CDIN1: variants seen among roughly 807,000 people sequenced by gnomAD.
CDIN1 encodes CDAN1 interacting nuclease 1.
CDIN1 carries 33 observed loss-of-function variants against 45.3 expected under a neutral mutation model. The observed-to-expected ratio is 0.73, with a 90% confidence interval of 0.55 to 0.97. The LOEUF (loss-of-function observed/expected upper bound fraction) is 0.97. Among genes scored for constraint, CDIN1 ranks in the 50% least tolerant of loss-of-function variants. The probability of loss-of-function intolerance (pLI) is 0.00; values close to 1 mark genes in which losing one functional copy is unlikely to be tolerated. For missense variants in CDIN1, 303 were observed against 339.4 expected, an observed-to-expected ratio of 0.89 and a Z score of 0.84; for synonymous variants, 118 against 124.4, an observed-to-expected ratio of 0.95 and a Z score of 0.34.
chr15:36,598,129 T>C (rs542873822), intron 1 of CDIN1, among the ~76,000 whole-genome samples: 9 of 152,262 alleles, frequency 5.9e-5, no homozygotes, highest in African/African-American at 1.9e-4. Flanking sequence ...TAGTTGGGAC[T>C]ACAGGCGTGT....
intron 10 of CDIN1, among the ~76,000 whole-genome samples, chr15:36,740,470 T>A (rs897474183): frequency 7.9e-5 from 12 of 152,142 alleles, no homozygotes; most frequent in African/African-American, 2.7e-4. Flanking sequence ...GAAACTGTGG[T>A]GATACCGAGA....
At chr15:36,774,156 G>A (rs1182334623) in intron 10 of CDIN1, among the ~76,000 whole-genome samples, 1 of 104,346 alleles carries the variant, frequency 9.6e-6, no homozygotes, top group East Asian at 3.3e-4. Flanking sequence ...GTGTGTGTGT[G>A]TGTGTGTGCG....
chr15:36,617,828 A>G (rs2140298349), intron 1 of CDIN1: 2 of 788,908 alleles, frequency 2.5e-6, no homozygotes, highest in African/African-American at 1.7e-5. Context: ...AGACACAGAT[A>G]CACAAAAGGC....
At chr15:36,694,800 TCA>T (rs1251783542) in intron 7 of CDIN1, among the ~76,000 whole-genome samples, 1 of 152,206 alleles carries the variant, frequency 6.6e-6, no homozygotes, top group Non-Finnish European at 1.5e-5. Context: ...TTCTGTACCA[TCA>T]GAGACCTCAG....
intron 10 of CDIN1, among the ~76,000 whole-genome samples, chr15:36,745,392 TA>T (rs2044384299): frequency 6.6e-6 from 1 of 152,194 alleles, no homozygotes; most frequent in Admixed American, 6.5e-5. Context: ...AACTTTGGTA[TA>T]TATTACATTC....
At chr15:36,806,473 AGTTT>A (rs2055230019) in intron 10 of CDIN1, among the ~76,000 whole-genome samples, 1 of 152,096 alleles carries the variant, frequency 6.6e-6, no homozygotes, top group African/African-American at 2.4e-5. Flanking sequence ...GTTAGATCAC[AGTTT>A]TTTTCTTCCT....
intron 10 of CDIN1, among the ~76,000 whole-genome samples, chr15:36,806,578 G>C (rs895221728): frequency 1.3e-5 from 2 of 152,126 alleles, no homozygotes; most frequent in Non-Finnish European, 2.9e-5. Flanking sequence ...CTTAATGTTA[G>C]ATCTGTCAAG....
chr15:36,603,104 C>T (rs938659554), intron 1 of CDIN1, among the ~76,000 whole-genome samples: 3 of 152,158 alleles, frequency 2.0e-5, no homozygotes, highest in African/African-American at 7.2e-5. Context: ...AAATTAGCTC[C>T]TTCTTTTAGC....
chr15:36,596,808 C>A (rs771507488), intron 1 of CDIN1, among the ~76,000 whole-genome samples: 4 of 151,296 alleles, frequency 2.6e-5, no homozygotes, highest in African/African-American at 9.7e-5. Flanking sequence ...ACAACAACAA[C>A]AAAAAAAACC....
chr15:36,799,660 G>A (rs1438698457), intron 10 of CDIN1: 3 of 152,146 alleles, frequency 2.0e-5, no homozygotes, highest in Admixed American at 1.3e-4. Flanking sequence ...AAGTGATATA[G>A]TTTACTCTGA....
intron 1 of CDIN1, among the ~76,000 whole-genome samples, chr15:36,603,534 G>C (rs760059545): frequency 6.6e-6 from 1 of 152,100 alleles, no homozygotes. Flanking sequence ...TGATGGAGGG[G>C]GTTGGAGATA....
At chr15:36,702,968 A>T (rs2042696593) in intron 8 of CDIN1, among the ~76,000 whole-genome samples, 1 of 148,586 alleles carries the variant, frequency 6.7e-6, no homozygotes, top group Non-Finnish European at 1.5e-5. Flanking sequence ...TGGGAGGCTG[A>T]GGTGGGAGGA....
intron 10 of CDIN1, among the ~76,000 whole-genome samples, chr15:36,737,571 C>T (rs2140929537): frequency 6.6e-6 from 1 of 152,258 alleles, no homozygotes; most frequent in Non-Finnish European, 1.5e-5. Flanking sequence ...CATATCCTGT[C>T]TCACTAATAG....
intron 5 of CDIN1, among the ~76,000 whole-genome samples, chr15:36,688,439 A>G (rs913774621): frequency 1.3e-5 from 2 of 152,198 alleles, no homozygotes; most frequent in Non-Finnish European, 2.9e-5. Flanking sequence ...GCATTGCTTT[A>G]ACAGGTACCA....
chr15:36,717,290 G>A (rs1480205005), intron 10 of CDIN1, among the ~76,000 whole-genome samples: 2 of 152,054 alleles, frequency 1.3e-5, no homozygotes, highest in Admixed American at 1.3e-4. Flanking sequence ...CCACCCCTAG[G>A]TTTCCTGATG....
chr15:36,758,283 C>T (rs1044490707), intron 10 of CDIN1, among the ~76,000 whole-genome samples: 1 of 152,158 alleles, frequency 6.6e-6, no homozygotes, highest in African/African-American at 2.4e-5. Context: ...TAAGTAGCTT[C>T]TGGCCTTGAT....
rs942615234 is a variant in CDIN1, at chr15:36,737,244, C to T, written c.716+27283C>T. Among the ~76,000 whole-genome samples, 8 of 151,942 alleles carry T rather than the reference C, an allele frequency of 5.3e-5. No individual in the cohort carries two copies. In the East Asian group the frequency reaches 1.2e-3, roughly 22 times the overall value. On this transcript the variant is annotated intron_variant, in intron 10 of 10. Coordinates refer to ENST00000566621, the MANE Select transcript of CDIN1 (RefSeq NM_001321759.2). ...CTCCTGCAGGTTCCAATACCTGGGT[C>T]GTTCCTATTTTTGCCTTTTATATCT...
Position 36,696,933 on chromosome 15 carries a change from G to A in CDIN1, c.477-390G>A, listed in dbSNP as rs990937343. On this transcript the variant is annotated intron_variant, in intron 7 of 10. Coordinates refer to ENST00000566621, the MANE Select transcript of CDIN1 (RefSeq NM_001321759.2). Reference sequence around the variant, plus strand: ...TTGAGACCAGCCTGAGCAACATAGTGCGATTCCATTTCTAAAAAAAAAAAA... The same window carrying A: ...TTGAGACCAGCCTGAGCAACATAGTACGATTCCATTTCTAAAAAAAAAAAA... 4.9e-5 allele frequency among the ~76,000 whole-genome samples: 7 copies of A among 141,994 alleles called. No homozygotes were observed. In the South Asian group the frequency reaches 1.5e-3, roughly 31 times the overall value. The allele number at this position is 141,994 out of a possible 152,430, so 93.2% of individuals were successfully genotyped here.
intron 10 of CDIN1, among the ~76,000 whole-genome samples, chr15:36,806,794 A>G (rs1010561240): frequency 5.3e-5 from 8 of 152,206 alleles, no homozygotes; most frequent in African/African-American, 1.7e-4. Context: ...AAAGTTACTA[A>G]GAAACCCTCG....
Sources: allele counts gnomAD v4.1 joint callset (sites outside exome capture counted in the v4.1 genomes callset), GRCh38; gene constraint gnomAD v4.1.1; transcripts MANE v1.5; gene names NCBI Gene and HGNC (gene_info 2026-07-23, HGNC 2026-07-21).